Variants in DLG1 observed in about 807,000 individuals in gnomAD.
DLG1 encodes the protein discs large MAGUK scaffold protein 1, also known as disks large homolog 1.
DLG1 carries 42 observed loss-of-function variants against 123.4 expected under a neutral mutation model. That is an observed-to-expected ratio of 0.34 (90% CI 0.27 to 0.44). The LOEUF (loss-of-function observed/expected upper bound fraction) is 0.44, where lower values mean the gene tolerates loss of function less well. Ranked by LOEUF, DLG1 falls within the 20% of genes least tolerant of loss-of-function variation. DLG1 has a pLI of 1.00. For missense variants in DLG1, 942 were observed against 1,082.6 expected, an observed-to-expected ratio of 0.87 and a Z score of 1.82; for synonymous variants, 317 against 356.2, an observed-to-expected ratio of 0.89 and a Z score of 1.24.
chr3:197,177,618 C>T (rs114152314), intron 5 of DLG1, among the ~76,000 whole-genome samples: 2 of 151,962 alleles, frequency 1.3e-5, no homozygotes, highest in Non-Finnish European at 2.9e-5. Flanking sequence ...TGGGAATAGT[C>T]AGAAAATAAA....
In DLG1 at chr3:197,210,986, T is replaced by TTA. The variant is rs1466363127; in HGVS notation, c.319-16399_319-16398dup. On this transcript the variant is annotated intron_variant, in intron 4 of 24. Coordinates refer to ENST00000667157, the MANE Select transcript of DLG1 (RefSeq NM_001366207.1). The stretch of plus-strand genomic sequence containing the variant: ...ATAATACATCATGACCAAATATGAT[T>TTA]TATTTCAACAAGGCAAGGTTAGTTT... Among the ~76,000 whole-genome samples the TTA allele has an allele frequency of 2.1e-5, 3 of 146,222 alleles. 1 individual carries two copies. The highest frequency in any genetic ancestry group is 4.6e-5 in the Non-Finnish European group (3 of 65,164).
chr3:197,076,224 T>C (rs1747180477), intron 18 of DLG1, among the ~76,000 whole-genome samples: 1 of 152,224 alleles, frequency 6.6e-6, no homozygotes, highest in Non-Finnish European at 1.5e-5. Flanking sequence ...CGCCATGTTA[T>C]ACCTAGAAAT....
intron 4 of DLG1, among the ~76,000 whole-genome samples, chr3:197,265,129 A>C (rs993457602): frequency 6.6e-6 from 1 of 152,202 alleles, no homozygotes; most frequent in African/African-American, 2.4e-5. Flanking sequence ...TTTCAAGCCT[A>C]TGTGTTCTCT....
chr3:197,299,029 C>T (rs999676886), upstream of DLG1: 11 of 152,902 alleles, frequency 7.2e-5, no homozygotes, highest in African/African-American at 2.7e-4. Context: ...CTCTGACGGT[C>T]CCTTTAAGAA....
chr3:197,209,396 C>T (rs1730206804), intron 4 of DLG1, among the ~76,000 whole-genome samples: 1 of 146,206 alleles, frequency 6.8e-6, no homozygotes, highest in Non-Finnish European at 1.5e-5. Flanking sequence ...ATAAGCAAAA[C>T]CAACAGAAAC....
At chr3:197,092,565 A>G (rs1758342722) in intron 14 of DLG1, among the ~76,000 whole-genome samples, 1 of 152,104 alleles carries the variant, frequency 6.6e-6, no homozygotes, top group South Asian at 2.1e-4. Context: ...CAGTGGCACA[A>G]GCATAGTTCA....
chr3:197,270,923 A>C (rs1763657459), intron 4 of DLG1, among the ~76,000 whole-genome samples: 1 of 152,246 alleles, frequency 6.6e-6, no homozygotes, highest in East Asian at 1.9e-4. Flanking sequence ...TAACATAAGG[A>C]AACAAATGAG....
intron 4 of DLG1, among the ~76,000 whole-genome samples, chr3:197,239,010 A>G (rs1271995152): frequency 6.6e-6 from 1 of 152,144 alleles, no homozygotes; most frequent in East Asian, 1.9e-4. Context: ...AATAGAGAAC[A>G]GAGAAACAGA....
Position 197,085,583 on chromosome 3 carries a change from C to A in DLG1, c.1835G>T (p.Arg612Leu). ...AAGTGGTAAGAAACAGGCATACCTG[C>A]GTTTACTGGGAATCACTCCGACCTC... ...SDEVGVIPSKRRVEKKERARL... is the reference protein window; with the variant it reads ...SDEVGVIPSKLRVEKKERARL... The change falls in exon 16 of 25, where the codon CGC becomes CTC. Residue 612 changes from arginine (R) to leucine (L), a missense_variant. Coordinates refer to ENST00000667157, the MANE Select transcript of DLG1 (RefSeq NM_001366207.1). 1 of 1,613,854 alleles carries A rather than the reference C, an allele frequency of 6.2e-7. No homozygotes were observed. Among genetic ancestry groups the A allele is most frequent in the Non-Finnish European group, 8.5e-7 (1 of 1,179,920 alleles).
chr3:197,104,890 A>G lies in DLG1; in HGVS notation c.1546+13T>C, dbSNP rs1334524381. 9 of 1,560,280 alleles carry G rather than the reference A, an allele frequency of 5.8e-6. No homozygotes were observed. In the South Asian group the frequency reaches 1.0e-4, roughly 17 times the overall value. On this transcript the variant is annotated intron_variant, in intron 14 of 24. Transcript: ENST00000667157. ...AAATAAGCAATAACTATAGACAATA[A>G]GAATGTTATTACCTTCAGGTCGATA...
At chr3:197,088,866 T>A (rs1021297922) in intron 15 of DLG1, among the ~76,000 whole-genome samples, 2 of 152,246 alleles carry the variant, frequency 1.3e-5, no homozygotes, top group Non-Finnish European at 2.9e-5. Flanking sequence ...AGGCAGCTCA[T>A]AGGGTACCAC....
intron 20 of DLG1, 92 bp downstream of exon 20, chr3:197,066,612 A>G (rs1308231047): frequency 1.1e-6 from 1 of 939,096 alleles, no homozygotes; most frequent in South Asian, 1.8e-5. Flanking sequence ...AAATTTTAAT[A>G]CAACATTTTT....
intron 10 of DLG1, among the ~76,000 whole-genome samples, chr3:197,135,536 C>T (rs1481136833): frequency 1.3e-5 from 2 of 152,256 alleles, no homozygotes; most frequent in Admixed American, 6.5e-5. Flanking sequence ...TTATAAATTA[C>T]CCAGTCTCGG....
chr3:197,296,007 C>T (rs1048673419), intron 3 of DLG1, among the ~76,000 whole-genome samples: 17 of 152,244 alleles, frequency 1.1e-4, no homozygotes, highest in African/African-American at 4.1e-4. Context: ...CTTTCAATGA[C>T]TTCAGAGACA....
intron 9 of DLG1, among the ~76,000 whole-genome samples, chr3:197,137,273 A>G (rs1785499654): frequency 6.6e-6 from 1 of 152,180 alleles, no homozygotes; most frequent in Non-Finnish European, 1.5e-5. Context: ...TTTATCCTCA[A>G]GCCATCAATG....
intron 23 of DLG1, among the ~76,000 whole-genome samples, chr3:197,057,949 T>C (rs909666404): frequency 6.6e-6 from 1 of 152,110 alleles, no homozygotes; most frequent in African/African-American, 2.4e-5. Context: ...TGCTCTGCCA[T>C]ATTTTTTATT....
intron 21 of DLG1, 59 bp downstream of exon 21, chr3:197,065,649 C>A: frequency 7.8e-7 from 1 of 1,281,332 alleles, no homozygotes; most frequent in Non-Finnish European, 1.1e-6. Context: ...ATTTTTCCCA[C>A]ACACAGTGAC....
At chr3:197,293,108 A>G (rs894819211) in intron 3 of DLG1, among the ~76,000 whole-genome samples, 4 of 152,220 alleles carry the variant, frequency 2.6e-5, no homozygotes, top group Non-Finnish European at 1.5e-5. Flanking sequence ...AAACTGGAAT[A>G]CAAAAGCAAG....
chr3:197,106,766 A>C (rs372149346), intron 13 of DLG1, among the ~76,000 whole-genome samples: 1 of 152,226 alleles, frequency 6.6e-6, no homozygotes, highest in Admixed American at 6.5e-5. Context: ...AAGATACATT[A>C]TTAAGGATAT....
Sources: allele counts gnomAD v4.1 joint callset (sites outside exome capture counted in the v4.1 genomes callset), GRCh38; gene constraint gnomAD v4.1.1; transcripts MANE v1.5; gene names NCBI Gene and HGNC (gene_info 2026-07-23, HGNC 2026-07-21).